Variants in MED23 observed in about 807,000 individuals in gnomAD.
The protein encoded by MED23 is mediator of RNA polymerase II transcription subunit 23.
MED23 carries 105 observed loss-of-function variants against 163.9 expected under a neutral mutation model. The observed-to-expected ratio is 0.64, with a 90% CI of 0.55 to 0.75. The LOEUF (loss-of-function observed/expected upper bound fraction) is 0.75. Among genes scored for constraint, MED23 ranks in the 30% least tolerant of loss-of-function variants. The pLI is 0.00. For missense variants in MED23, 1,054 were observed against 1,649.0 expected (o/e 0.64, Z 6.25); for synonymous variants, 561 against 565.6 (o/e 0.99, Z 0.12).
At chr6:131,589,674 A>G in intron 27 of MED23, 78 bp from the exon 28 acceptor site, 1 of 1,348,130 alleles carries the variant, frequency 7.4e-7, no homozygotes, top group Non-Finnish European at 1.1e-6. Flanking sequence ...GGGCTCCATT[A>G]CAACACTAGC....
downstream of MED23, chr6:131,583,546 T>C: frequency 6.6e-7 from 1 of 1,516,602 alleles, no homozygotes; most frequent in Non-Finnish European, 8.8e-7. Flanking sequence ...CTAATATATA[T>C]TTATACCTCC....
At chr6:131,579,353 G>T in intron 30 of MED23, 3 of 1,551,120 alleles carry the variant, frequency 1.9e-6, no homozygotes, top group South Asian at 2.3e-5. Flanking sequence ...TAAGAAGAGA[G>T]AAAATTTAGA....
intron 10 of MED23, among the ~76,000 whole-genome samples, chr6:131,613,344 T>A (rs1469042669): frequency 6.6e-6 from 1 of 152,206 alleles, no homozygotes; most frequent in Non-Finnish European, 1.5e-5. Flanking sequence ...CTGGGCTATT[T>A]ATGACTTGCT....
intron 5 of MED23, 42 bp from the exon 6 acceptor site, chr6:131,622,021 CTA>C: frequency 7.0e-7 from 1 of 1,425,594 alleles, no homozygotes; most frequent in Non-Finnish European, 9.9e-7. Context: ...TAAGTAGTGT[CTA>C]CTGTGTTAGC....
chr6:131,590,729 A>G (rs1774547050), intron 26 of MED23, among the ~76,000 whole-genome samples: 1 of 151,830 alleles, frequency 6.6e-6, no homozygotes, highest in Non-Finnish European at 1.5e-5. Flanking sequence ...CCTGGGTTCA[A>G]GTGATTCTCC....
intron 8 of MED23, among the ~76,000 whole-genome samples, chr6:131,618,891 C>T (rs1019012678): frequency 2.0e-4 from 31 of 152,130 alleles, no homozygotes; most frequent in South Asian, 2.1e-4. Flanking sequence ...CTGTAGCCTA[C>T]GAAGCTTAAA....
intron 13 of MED23, 105 bp from the exon 14 acceptor site, chr6:131,605,590 A>T: frequency 9.4e-7 from 1 of 1,058,774 alleles, no homozygotes; most frequent in Non-Finnish European, 1.3e-6. Flanking sequence ...TATTAATGCT[A>T]TCTTTGTTCC....
At chr6:131,579,265 G>A in intron 30 of MED23, 1 of 1,614,072 alleles carries the variant, frequency 6.2e-7, no homozygotes, top group Non-Finnish European at 8.5e-7. Flanking sequence ...GAATCAGCCT[G>A]GTGCTGGGCG....
downstream of MED23, chr6:131,583,502 A>T (rs932846487): frequency 6.2e-7 from 1 of 1,614,058 alleles, no homozygotes; most frequent in Middle Eastern, 1.6e-4. Flanking sequence ...GTAGTTAACA[A>T]TCTGAGGTAA....
intron 30 of MED23, chr6:131,574,388 CA>C (rs1554249627): frequency 7.0e-7 from 1 of 1,437,170 alleles, no homozygotes; most frequent in Non-Finnish European, 9.8e-7. Context: ...GGAAATCCTC[CA>C]AAAGTCTCTC....
rs767753503 is a variant in MED23, at chr6:131,598,537, A to C, written c.2426+19T>G. 2 of 1,613,982 alleles carry C rather than the reference A, an allele frequency of 1.2e-6. No individual in the cohort carries two copies. Among genetic ancestry groups the C allele is most frequent in the Non-Finnish European group, 8.5e-7 (1 of 1,179,880 alleles). On this transcript the variant is annotated intron_variant, in intron 19 of 28. Coordinates refer to ENST00000368068, the MANE Select transcript of MED23 (RefSeq NM_004830.4). The surrounding 1 kb of genome is among the most constrained non-coding windows in gnomAD (Gnocchi z 4.7). ...ACAACAATTTGCCAAATGGAATGCAAATTAGGTTTTTGACTTACCTATAGC... is the reference window on the plus strand; with the variant it reads ...ACAACAATTTGCCAAATGGAATGCACATTAGGTTTTTGACTTACCTATAGC...
intron 30 of MED23, chr6:131,579,104 A>T (rs766715122): frequency 6.8e-6 from 11 of 1,613,932 alleles, no homozygotes; most frequent in Non-Finnish European, 9.3e-6. Context: ...AAACTTTTTA[A>T]TTTTAGAGTG....
At chr6:131,615,415 A>C (rs12203296) in intron 10 of MED23, 2 of 1,481,630 alleles carry the variant, frequency 1.3e-6, no homozygotes, top group Non-Finnish European at 1.9e-6. Flanking sequence ...AAAAGACAAA[A>C]CAGTGACTAT....
chr6:131,593,628 T>C (rs79070239), intron 23 of MED23, among the ~76,000 whole-genome samples: 2,704 of 152,204 alleles, frequency 0.018, 40 homozygotes, highest in Middle Eastern at 0.038. Context: ...TAACTGAAAA[T>C]ATAAAATCAA....
rs752401553 is a variant in MED23 at position 131,602,247 on chromosome 6, A to AAT, written c.2064_2065dup (p.Leu689TyrfsTer2). ...TACATGAGTTGCTCTAGCCAAGGTCAATATCAAGGCTCGGTTCAGTTCTTC... is the reference window on the plus strand; with the variant it reads ...TACATGAGTTGCTCTAGCCAAGGTCAATATATCAAGGCTCGGTTCAGTTCTTC... On this transcript the variant is annotated frameshift_variant, in exon 17 of 29. Transcript: ENST00000368068. LOFTEE classifies it high-confidence loss of function. 6.2e-7 allele frequency: 1 copy of AAT among 1,613,954 alleles called. No individual in the cohort carries two copies. Among genetic ancestry groups the AAT allele is most frequent in the Non-Finnish European group, 8.5e-7 (1 of 1,179,838 alleles).
In MED23 at chr6:131,610,190, G is replaced by T. The variant is rs1160458782; in HGVS notation, c.933C>A (p.Ala311=). Reference sequence around the variant, plus strand: ...TCTCCTCGGTCTCAGATCGCTCCATGGCATAAACAACCAGATCCACCAACT... The same window carrying T: ...TCTCCTCGGTCTCAGATCGCTCCATTGCATAAACAACCAGATCCACCAACT... ...EDQLVDLVVY[A]MERSETEEKF... The change falls in exon 11 of 29, where the codon GCC becomes GCA. Residue 311 remains alanine (A), a synonymous_variant. Transcript: ENST00000368068. 2 of 1,613,980 alleles carry T rather than the reference G, an allele frequency of 1.2e-6. No homozygotes were observed. Among genetic ancestry groups the T allele is most frequent in the South Asian group, 1.1e-5 (1 of 91,082 alleles).
rs1775204056 is a variant in MED23 at position 131,598,100 on chromosome 6, C to CA, written c.2607+186dup. ...GCGAGACCCTGTCTCAAAAAACAAA[C>CA]AAAAAAACAAAAACAAACAAAAACA... On this transcript the variant is annotated intron_variant, in intron 20 of 28. Transcript: ENST00000368068. This position sits in a 1 kb window ranked among gnomAD's most constrained non-coding sequence, Gnocchi z 4.7. 4 of 694,398 alleles carry CA rather than the reference C, an allele frequency of 5.8e-6. No homozygotes were observed. Among genetic ancestry groups the CA allele is most frequent in the Non-Finnish European group, 7.3e-6 (3 of 409,182 alleles). The allele number at this position is 694,398 out of a possible 1,614,324, so 43.0% of individuals were successfully genotyped here.
At chr6:131,580,546 A>G (rs1256925509) in intron 30 of MED23, among the ~76,000 whole-genome samples, 1 of 152,208 alleles carries the variant, frequency 6.6e-6, no homozygotes, top group African/African-American at 2.4e-5. Flanking sequence ...CCAACCTAAT[A>G]AATCCTAACT....
At chr6:131,574,204 A>G in exon 31 of MED23, 1 of 1,467,472 alleles carries the variant, frequency 6.8e-7, no homozygotes, top group Non-Finnish European at 9.6e-7. Context: ...AGTTGAAACT[A>G]CTAAGGTTGA....
Sources: gnomAD v4.1 joint callset for allele counts (sites outside exome capture counted in the v4.1 genomes callset) on GRCh38, gnomAD v4.1.1 for gene constraint, Gnocchi (gnomAD v3.1) non-coding constraint, MANE v1.5 for transcripts, NCBI Gene and HGNC (gene_info 2026-07-23, HGNC 2026-07-21) for gene names.